Variants in GRIN2A observed in about 807,000 individuals in gnomAD.
GRIN2A encodes the protein glutamate receptor ionotropic, NMDA 2A.
Under a neutral mutation model 113.4 loss-of-function variants are expected in GRIN2A, and 22 were observed. The observed-to-expected ratio is 0.19, with a 90% CI of 0.14 to 0.28. The LOEUF (loss-of-function observed/expected upper bound fraction) is 0.28, where lower values mean the gene tolerates loss of function less well. GRIN2A is among the 10% of genes least tolerant of loss of function. GRIN2A has a pLI of 1.00. For missense variants in GRIN2A, 1,502 were observed against 1,887.0 expected, an observed-to-expected ratio of 0.80 and a Z score of 3.78; for synonymous variants, 827 against 738.4, an observed-to-expected ratio of 1.12 and a Z score of -1.94.
intron 2 of GRIN2A, among the ~76,000 whole-genome samples, chr16:10,129,701 C>G (rs1247461145): frequency 6.6e-6 from 1 of 152,224 alleles, no homozygotes; most frequent in African/African-American, 2.4e-5. Flanking sequence ...GGTGCTCCTT[C>G]TAGGCCACAG....
At chr16:10,172,968 G>C (rs537206225) in intron 2 of GRIN2A, among the ~76,000 whole-genome samples, 1 of 152,210 alleles carries the variant, frequency 6.6e-6, no homozygotes, top group South Asian at 2.1e-4. Context: ...GCCTACAGTA[G>C]CATTTTCCAT....
At chr16:10,133,081 C>A (rs2049100506) in intron 2 of GRIN2A, among the ~76,000 whole-genome samples, 1 of 152,130 alleles carries the variant, frequency 6.6e-6, no homozygotes, top group African/African-American at 2.4e-5. Flanking sequence ...TATATTGGGC[C>A]CACCAGATAA....
chr16:9,857,875 C>T (rs182302437), intron 4 of GRIN2A, among the ~76,000 whole-genome samples: 420 of 152,296 alleles, frequency 2.8e-3, no homozygotes, highest in African/African-American at 8.5e-3. Context: ...AATTTAGACA[C>T]AGTTTTTACC....
chr16:9,990,563 G>GCGCGCGCGCA (rs1446741885), intron 2 of GRIN2A, among the ~76,000 whole-genome samples: 11 of 124,428 alleles, frequency 8.8e-5, no homozygotes, highest in Admixed American at 2.3e-4. Flanking sequence ...GCGCGCGCGC[G>GCGCGCGCGCA]CACACACACA....
chr16:9,778,835 G>A (rs1901767061), intron 11 of GRIN2A, among the ~76,000 whole-genome samples: 1 of 152,214 alleles, frequency 6.6e-6, no homozygotes, highest in Admixed American at 6.5e-5. Context: ...TCATCGCTCT[G>A]GCACTGGAAG....
chr16:9,825,303 A>C (rs1439247777), intron 9 of GRIN2A, among the ~76,000 whole-genome samples: 1 of 152,208 alleles, frequency 6.6e-6, no homozygotes, highest in East Asian at 1.9e-4. Context: ...TTGAAAGAAC[A>C]CCTGGCATCC....
At position 9,862,004 on chromosome 16, in the gene GRIN2A, G is replaced by C. The variant is rs140698271; in HGVS notation, c.1123-12043C>G. ...GAATGCAGACTCCTGTATCTCTGGA[G>C]TGTTGGAATCAGTAGATCTGGGATA... On this transcript the variant is annotated intron_variant, in intron 4 of 12. Coordinates refer to ENST00000330684, the MANE Select transcript of GRIN2A (RefSeq NM_001134407.3). Among the ~76,000 whole-genome samples the C allele has an allele frequency of 2.0e-5, 3 of 152,330 alleles. No individual in the cohort carries two copies. In the East Asian group the frequency reaches 5.8e-4, roughly 29 times the overall value.
At chr16:9,945,039 G>A (rs576484975) in intron 2 of GRIN2A, among the ~76,000 whole-genome samples, 73 of 152,118 alleles carry the variant, frequency 4.8e-4, no homozygotes, top group Non-Finnish European at 9.0e-4. Context: ...TAGAACAATT[G>A]GCCGGGTATG....
chr16:9,793,665 C>G (rs1175420133), intron 11 of GRIN2A, among the ~76,000 whole-genome samples: 1 of 152,094 alleles, frequency 6.6e-6, no homozygotes, highest in East Asian at 1.9e-4. Flanking sequence ...CTTTATGAAT[C>G]ATTCTGTCCT....
intron 4 of GRIN2A, among the ~76,000 whole-genome samples, chr16:9,884,427 T>C (rs1179538034): frequency 6.6e-6 from 1 of 152,044 alleles, no homozygotes; most frequent in Non-Finnish European, 1.5e-5. Flanking sequence ...CACGTGTCTG[T>C]AATGCCAGCT....
intron 2 of GRIN2A, among the ~76,000 whole-genome samples, chr16:10,077,799 T>G (rs1170933900): frequency 2.0e-5 from 3 of 152,330 alleles, no homozygotes; most frequent in South Asian, 2.1e-4. Flanking sequence ...AATGCTCTTC[T>G]GCGTAGCCCA....
intron 2 of GRIN2A, among the ~76,000 whole-genome samples, chr16:10,097,816 C>A (rs944558434): frequency 1.3e-5 from 2 of 152,150 alleles, no homozygotes; most frequent in African/African-American, 4.8e-5. Flanking sequence ...GGACTTAAAT[C>A]TAAGACCTAA....
intron 2 of GRIN2A, among the ~76,000 whole-genome samples, chr16:10,015,501 A>T (rs2046593288): frequency 6.7e-6 from 1 of 150,364 alleles, no homozygotes; most frequent in Non-Finnish European, 1.5e-5. Flanking sequence ...CAAAATAATA[A>T]CAAAAATATT....
chr16:9,899,440 C>CAAAAAAAA (rs71157791), intron 3 of GRIN2A, among the ~76,000 whole-genome samples: 7 of 6,204 alleles, frequency 1.1e-3, no homozygotes, highest in African/African-American at 3.3e-3. Context: ...AACTCCGTCT[C>CAAAAAAAA]AAAAAAAAAA....
intron 2 of GRIN2A, among the ~76,000 whole-genome samples, chr16:10,160,336 A>C (rs1424549489): frequency 2.0e-5 from 3 of 152,238 alleles, no homozygotes; most frequent in African/African-American, 7.2e-5. Flanking sequence ...AGGAGCACAC[A>C]GCACAAGTGG....
chr16:9,995,058 A>C (rs1180404663), intron 2 of GRIN2A, among the ~76,000 whole-genome samples: 1 of 152,208 alleles, frequency 6.6e-6, no homozygotes, highest in East Asian at 1.9e-4. Flanking sequence ...GGAGAAAGGA[A>C]GACTGTTGGT....
chr16:9,898,312 A>G (rs1250309505), intron 3 of GRIN2A, among the ~76,000 whole-genome samples: 2 of 152,092 alleles, frequency 1.3e-5, no homozygotes, highest in South Asian at 2.1e-4. Flanking sequence ...TCCCCTTGCC[A>G]TTTAGTATAC....
At chr16:9,880,778 C>T (rs779670377) in intron 4 of GRIN2A, among the ~76,000 whole-genome samples, 2 of 152,206 alleles carry the variant, frequency 1.3e-5, no homozygotes, top group Non-Finnish European at 2.9e-5. Context: ...CCAAATCTTG[C>T]TTATTCTCGT....
chr16:10,136,540 T>A (rs935215392), intron 2 of GRIN2A, among the ~76,000 whole-genome samples: 39 of 151,786 alleles, frequency 2.6e-4, no homozygotes, highest in African/African-American at 8.4e-4. Flanking sequence ...AGGTTAAAGA[T>A]ACTGATTAAT....
Sources: allele counts gnomAD v4.1 joint callset (sites outside exome capture counted in the v4.1 genomes callset), GRCh38; gene constraint gnomAD v4.1.1; transcripts MANE v1.5; gene names NCBI Gene and HGNC (gene_info 2026-07-23, HGNC 2026-07-21).